Variants in DSP observed in about 807,000 individuals in gnomAD.
The protein encoded by DSP is 250/210 kDa paraneoplastic pemphigus antigen.
DSP carries 114 observed loss-of-function variants against 290.6 expected under a neutral mutation model. That is an observed-to-expected ratio of 0.39 (90% CI 0.34 to 0.46). DSP has a LOEUF of 0.46. DSP is among the 20% of genes least tolerant of loss of function. DSP has a pLI of 0.99. For missense variants in DSP, 3,230 were observed against 3,495.8 expected, an observed-to-expected ratio of 0.92 and a Z score of 1.92; for synonymous variants, 1,311 against 1,316.4, an observed-to-expected ratio of 1.00 and a Z score of 0.09.
At chr6:7,568,906 T>G (rs1051167423) in intron 11 of DSP, among the ~76,000 whole-genome samples, 2 of 152,230 alleles carry the variant, frequency 1.3e-5, no homozygotes, top group African/African-American at 4.8e-5. Context: ...AAATGATGCT[T>G]TTATGTTGCA....
Position 7,584,475 on chromosome 6 carries a change from C to A in DSP, c.7213C>A (p.Leu2405Ile), listed in dbSNP as rs774401264. Residue 2405 changes from leucine (L) to isoleucine (I), a missense_variant, in exon 24 of 24, where the codon CTC becomes ATC. Leu to Ile is a conservative substitution (Grantham distance 5). Transcript: ENST00000379802. The surrounding 1 kb of genome is among the most constrained non-coding windows in gnomAD (Gnocchi z 6.4). ...TTTCAATGAGGAACTCAGTGAGATT[C>A]TCTCAGATCCAAGTGATGATACCAA... ...GYFNEELSEILSDPSDDTKGF... is the reference protein window; with the variant it reads ...GYFNEELSEIISDPSDDTKGF... 6.2e-7 allele frequency: 1 copy of A among 1,614,162 alleles called. No homozygotes were observed. Among genetic ancestry groups the A allele is most frequent in the Non-Finnish European group, 8.5e-7 (1 of 1,180,028 alleles).
At chr6:7,573,947 C>T in intron 15 of DSP, 139 bp from the exon 16 acceptor site, 1 of 927,876 alleles carries the variant, frequency 1.1e-6, no homozygotes, top group Non-Finnish European at 1.7e-6. Flanking sequence ...TGGAAGTTGA[C>T]TGATGTGTTA....
chr6:7,555,977 T>G lies in DSP; in HGVS notation c.273+157T>G, dbSNP rs192872115. Reference sequence around the variant, plus strand: ...AACAGACTACAGAGAGATGTGTGTCTTCTTAACCTATTTGTAATGTTGGTT... The same window carrying G: ...AACAGACTACAGAGAGATGTGTGTCGTCTTAACCTATTTGTAATGTTGGTT... On this transcript the variant is annotated intron_variant, in intron 2 of 23. Coordinates refer to ENST00000379802, the MANE Select transcript of DSP (RefSeq NM_004415.4). 9.5e-4 allele frequency among the ~76,000 whole-genome samples: 145 copies of G among 152,390 alleles called. 3 individuals are homozygous for G. In the East Asian group the frequency reaches 0.023, roughly 24 times the overall value.
chr6:7,573,118 A>ATGTGTGTGTG (rs56891607), intron 15 of DSP, among the ~76,000 whole-genome samples: 9 of 150,022 alleles, frequency 6.0e-5, no homozygotes, highest in Non-Finnish European at 7.4e-5. Context: ...TTAAAAAAAA[A>ATGTGTGTGTG]TGTGTGTGTG....
Position 7,580,368 on chromosome 6 carries a change from C to G in DSP, c.4178C>G (p.Ala1393Gly), listed in dbSNP as rs781510007. Residue 1393 changes from alanine (A) to glycine (G), a missense_variant, in exon 23 of 24, where the codon GCT becomes GGT. By Grantham distance (60) the Ala-to-Gly change is moderately conservative. Around this residue, in one of 5 missense-constraint regions of DSP, gnomAD observed 1,714 missense variants for 1,844.5 expected, o/e 0.93. Coordinates refer to ENST00000379802, the MANE Select transcript of DSP (RefSeq NM_004415.4). The surrounding 1 kb of genome is among the most constrained non-coding windows in gnomAD (Gnocchi z 4.2). The part of the protein sequence containing the change: ...QKEEDTSGYR[A>G]QIDNLTRENR... The stretch of plus-strand genomic sequence containing the variant: ...GAAGAGGATACCAGTGGCTACCGGG[C>G]TCAGATAGACAATCTCACCCGAGAA... The G allele has an allele frequency of 6.2e-7, 1 of 1,614,056 alleles. No homozygotes were observed. Among genetic ancestry groups the G allele is most frequent in the South Asian group, 1.1e-5 (1 of 91,064 alleles).
Position 7,541,798 on chromosome 6 carries a change from C to T in DSP, c.-118C>T. On this transcript the variant is annotated 5_prime_UTR_variant, in exon 1 of 24. Transcript: ENST00000379802. ...AGCGAGCAGCGACCTCGCGAGCCTT[C>T]CGCACTCCCGCCCGGTTCCCCGGCC... The T allele has an allele frequency of 7.4e-7, 1 of 1,349,550 alleles. No homozygotes were observed. The highest frequency in any genetic ancestry group is 9.9e-7 in the Non-Finnish European group (1 of 1,011,618). 83.6% of individuals were successfully genotyped at this position (1,349,550 alleles called of 1,614,324 possible). A position where few individuals can be genotyped will look rare whatever the true frequency, so the allele number is the denominator to read the frequency against.
rs748356667 is a variant in DSP at position 7,584,303 on chromosome 6, C to G, written c.7041C>G (p.Ile2347Met). The G allele has an allele frequency of 1.2e-6, 2 of 1,614,056 alleles. No individual in the cohort carries two copies. The part of the protein sequence containing the change: ...TGYNDPETGN[I>M]ISLFQAMNKE... ...ATAATGATCCTGAAACAGGAAACAT[C>G]ATCTCTTTGTTCCAAGCCATGAATA... The change falls in exon 24 of 24, where the codon ATC becomes ATG. Residue 2347 changes from isoleucine to methionine, a missense_variant. Ile to Met is a conservative substitution (Grantham distance 10). This residue lies in a region of DSP where 207 missense variants were observed against 281.2 expected (regional missense o/e 0.74). Coordinates refer to ENST00000379802, the MANE Select transcript of DSP (RefSeq NM_004415.4). This position sits in a 1 kb window ranked among gnomAD's most constrained non-coding sequence, Gnocchi z 6.4.
Position 7,585,880 on chromosome 6 carries a change from A to G in DSP, c.*2A>G. On this transcript the variant is annotated 3_prime_UTR_variant, in exon 24 of 24. Transcript: ENST00000379802. ...AGCAGTAGTTCTATTGGGCACTAGT[A>G]GTCAGTTGGGAGTGGTTGCTATACC... is the stretch of plus-strand genomic sequence containing the variant. The G allele has an allele frequency of 6.2e-7, 1 of 1,613,706 alleles. No individual in the cohort carries two copies. The highest frequency in any genetic ancestry group is 8.5e-7 in the Non-Finnish European group (1 of 1,179,886).
rs138226280 is a variant in DSP at position 7,568,514 on chromosome 6, G to A, written c.1344G>A (p.Leu448=). The A allele has an allele frequency of 3.3e-4, 537 of 1,614,018 alleles. No homozygotes were observed. Among genetic ancestry groups the A allele is most frequent in the Non-Finnish European group, 4.2e-4 (495 of 1,180,034 alleles). ...ACAAGTCTAAGAAGATTGTACAGCT[G>A]AAGCCTCGTAACCCAGACTACAGAA... ...LVNKSKKIVQ[L]KPRNPDYRSN... Residue 448 remains leucine, a synonymous_variant, in exon 11 of 24, where the codon CTG becomes CTA. Transcript: ENST00000379802.
Position 7,571,351 on chromosome 6 carries a change from A to G in DSP, c.1702-32A>G, listed in dbSNP as rs779486751. The G allele has an allele frequency of 1.9e-6, 3 of 1,613,842 alleles. No homozygotes were observed. In the African/African-American group the frequency reaches 4.0e-5, roughly 22 times the overall value. ...TGATTGCATTGTGGGGCAGTCATAA[A>G]TCCCAAATCACTTCTGCCTGTCTCC... is the stretch of plus-strand genomic sequence containing the variant. On this transcript the variant is annotated intron_variant, in intron 13 of 23. Transcript: ENST00000379802.
chr6:7,550,904 G>C (rs80066866), intron 1 of DSP, among the ~76,000 whole-genome samples: 2,607 of 150,842 alleles, frequency 0.017, 79 homozygotes, highest in African/African-American at 0.06. Flanking sequence ...AACATGATTT[G>C]AAAATCTTTC....
In DSP at chr6:7,570,522, A is replaced by G. The variant is rs1158606435; in HGVS notation, c.1660A>G (p.Met554Val). 1.1e-5 allele frequency: 18 copies of G among 1,613,986 alleles called. No individual in the cohort carries two copies. The highest frequency in any genetic ancestry group is 1.4e-5 in the Non-Finnish European group (17 of 1,180,024). The change falls in exon 13 of 24, where the codon ATG becomes GTG. Residue 554 changes from methionine (M) to valine (V), a missense_variant. By Grantham distance (21) the Met-to-Val change is conservative (BLOSUM62 1). Around this residue, in one of 5 missense-constraint regions of DSP, gnomAD observed 81 missense variants for 130.5 expected, o/e 0.62. Transcript: ENST00000379802. ...GAGCCTGGTGTCCTGGCACTACTGCATGATTGACATAGAGAAGATCAGGGC... is the reference window on the plus strand; with the variant it reads ...GAGCCTGGTGTCCTGGCACTACTGCGTGATTGACATAGAGAAGATCAGGGC... ...MKSLVSWHYCMIDIEKIRAMT... is the reference protein window; with the variant it reads ...MKSLVSWHYCVIDIEKIRAMT...
In DSP at chr6:7,583,969, T is replaced by G; in HGVS notation, c.6707T>G (p.Leu2236Arg). 1 of 1,614,214 alleles carries G rather than the reference T, an allele frequency of 6.2e-7. No homozygotes were observed. The highest frequency in any genetic ancestry group is 8.5e-7 in the Non-Finnish European group (1 of 1,180,044). ...GILRPSTVNE[L>R]ESGQISYDEV... The stretch of plus-strand genomic sequence containing the variant: ...TTGAGACCGTCCACTGTCAATGAAC[T>G]GGAATCTGGTCAGATTTCTTATGAC... Residue 2236 changes from leucine (L) to arginine (R), a missense_variant, in exon 24 of 24, where the codon CTG (leucine) becomes CGG (arginine). Around this residue, in one of 5 missense-constraint regions of DSP, gnomAD observed 207 missense variants for 281.2 expected, o/e 0.74. Coordinates refer to ENST00000379802, the MANE Select transcript of DSP (RefSeq NM_004415.4). This position sits in a 1 kb window ranked among gnomAD's most constrained non-coding sequence, Gnocchi z 4.0.
chr6:7,546,777 A>G (rs1296857085), intron 1 of DSP, among the ~76,000 whole-genome samples: 1 of 152,196 alleles, frequency 6.6e-6, no homozygotes, highest in Non-Finnish European at 1.5e-5. Context: ...TAGAGTTTCT[A>G]TCTGCTTAGG....
intron 13 of DSP, 114 bp from the exon 14 acceptor site, chr6:7,571,269 T>A (rs1759041617): frequency 1.0e-6 from 1 of 954,904 alleles, no homozygotes; most frequent in African/African-American, 1.6e-5. Flanking sequence ...AATGAGCCTG[T>A]GATGAGTGTT....
In DSP at chr6:7,581,864, A is replaced by G. The variant is rs186775424; in HGVS notation, c.5379+295A>G. Among the ~76,000 whole-genome samples, 16 of 152,312 alleles carry G rather than the reference A, an allele frequency of 1.1e-4. No individual in the cohort carries two copies. In the East Asian group the frequency reaches 2.7e-3, roughly 26 times the overall value. On this transcript the variant is annotated intron_variant, in intron 23 of 23. Coordinates refer to ENST00000379802, the MANE Select transcript of DSP (RefSeq NM_004415.4). ...TAACTTCCTCCGAATGTTCCATTCT[A>G]CTTCTTAGAAGTTAGCTCTTATTTA...
intron 1 of DSP, among the ~76,000 whole-genome samples, chr6:7,552,564 G>GAAA (rs377022218): frequency 0.077 from 7,816 of 101,404 alleles, 367 homozygotes; most frequent in Middle Eastern, 0.12. Context: ...CTCCATCTCG[G>GAAA]AAAAAAAAAA....
intron 21 of DSP, 39 bp downstream of exon 21, chr6:7,577,925 CCTT>C (rs764417787): frequency 6.6e-7 from 1 of 1,506,138 alleles, no homozygotes; most frequent in Non-Finnish European, 9.2e-7. Context: ...ACCTGCCCCT[CCTT>C]CTGCTTCTTC....
At chr6:7,577,115 G>T in intron 20 of DSP, 73 bp downstream of exon 20, 1 of 1,256,874 alleles carries the variant, frequency 8.0e-7, no homozygotes, top group Non-Finnish European at 1.1e-6. Context: ...CTGATTTGTT[G>T]TAAAGCGTAT....
Sources: allele counts gnomAD v4.1 joint callset (sites outside exome capture counted in the v4.1 genomes callset), GRCh38; gene constraint gnomAD v4.1.1; regional missense constraint gnomAD v4.1.1; non-coding constraint Gnocchi (gnomAD v3.1); transcripts MANE v1.5; gene names NCBI Gene and HGNC (gene_info 2026-07-23, HGNC 2026-07-21).